The following CHST13 variants were observed in gnomAD, a reference collection of about 807,000 sequenced individuals.
CHST13 encodes C4ST-3.
CHST13 carries 1 observed loss-of-function variant against 7.0 expected under a neutral mutation model. The observed-to-expected ratio is 0.14, with a 90% CI of 0.05 to 0.68. The LOEUF is 0.68. CHST13 is among the 30% of genes least tolerant of loss of function. CHST13 has a pLI of 0.82. For synonymous variants in CHST13, 257 were observed against 240.9 expected (o/e 1.07, Z -0.62); for missense variants, 572 against 507.9 (o/e 1.13, Z -1.21).
chr3:126,540,907 G>A (rs1460164062), intron 2 of CHST13, among the ~76,000 whole-genome samples: 1 of 152,188 alleles, frequency 6.6e-6, no homozygotes, highest in Admixed American at 6.5e-5. Flanking sequence ...GGCTCTTAAT[G>A]TAATTTTAAG....
chr3:126,533,812 C>G (rs1438749517), intron 1 of CHST13, among the ~76,000 whole-genome samples: 1 of 152,146 alleles, frequency 6.6e-6, no homozygotes, highest in Non-Finnish European at 1.5e-5. Context: ...ATTCTTTAAA[C>G]ATTTAGTAAA....
intron 2 of CHST13, among the ~76,000 whole-genome samples, chr3:126,540,988 A>G (rs1332456096): frequency 1.3e-5 from 2 of 152,366 alleles, no homozygotes; most frequent in South Asian, 2.1e-4. Context: ...CTTGGAGATA[A>G]GAACCCCGGG....
chr3:126,538,400 T>C (rs1936845566), intron 2 of CHST13, among the ~76,000 whole-genome samples: 1 of 152,230 alleles, frequency 6.6e-6, no homozygotes, highest in South Asian at 2.1e-4. Flanking sequence ...TAAGGGAGTC[T>C]TTCCTGGGAG....
At chr3:126,531,683 A>G (rs994336429) in intron 1 of CHST13, among the ~76,000 whole-genome samples, 3 of 152,188 alleles carry the variant, frequency 2.0e-5, no homozygotes, top group Admixed American at 6.5e-5. Context: ...CATGTTATGG[A>G]TATACCACAT....
At chr3:126,530,378 G>A (rs776458972) in intron 1 of CHST13, among the ~76,000 whole-genome samples, 7 of 152,262 alleles carry the variant, frequency 4.6e-5, no homozygotes, top group South Asian at 2.1e-4. Flanking sequence ...AAGGGCTGGC[G>A]TTTCCGGAAG....
rs1052664231 is a variant in CHST13, at chr3:126,524,383, C to A, written c.51C>A (p.Gly17=). ...GCGTGCTGGCGGCCGCCTGTCTGGG[C>A]GCCGCGCTCCTGCTCCTATGCGCCG... ...RRRVLAAACL[G]AALLLLCAAP... Residue 17 remains glycine (G), a synonymous_variant, in exon 1 of 3, where the codon GGC becomes GGA. Transcript: ENST00000319340. The A allele has an allele frequency of 8.1e-7, 1 of 1,235,678 alleles. No homozygotes were observed. The highest frequency in any genetic ancestry group is 1.0e-6 in the Non-Finnish European group (1 of 988,810). 76.5% of individuals were successfully genotyped at this position (1,235,678 alleles called of 1,614,324 possible).
chr3:126,536,611 TAA>T (rs1286508382), intron 2 of CHST13, among the ~76,000 whole-genome samples: 1 of 151,866 alleles, frequency 6.6e-6, no homozygotes, highest in South Asian at 2.1e-4. Context: ...GTGTTGCAGA[TAA>T]AAAAGAGTCA....
At chr3:126,528,733 T>C (rs1389201630) in intron 1 of CHST13, among the ~76,000 whole-genome samples, 1 of 152,068 alleles carries the variant, frequency 6.6e-6, no homozygotes, top group Non-Finnish European at 1.5e-5. Flanking sequence ...AGATGGCCTG[T>C]GGAGTTCAGC....
chr3:126,529,665 TCTTC>T (rs1390438249), intron 1 of CHST13, among the ~76,000 whole-genome samples: 3 of 152,088 alleles, frequency 2.0e-5, no homozygotes, highest in African/African-American at 7.2e-5. Context: ...TCCTTCTGTC[TCTTC>T]CTTCTCTTTC....
chr3:126,525,733 GA>G, intron 1 of CHST13, among the ~76,000 whole-genome samples: 1 of 152,262 alleles, frequency 6.6e-6, no homozygotes, highest in African/African-American at 2.4e-5. Flanking sequence ...GAGGACACCT[GA>G]GTGCCTGGGT....
rs904545218 is a variant in CHST13 at position 126,542,633 on chromosome 3, C to T, written c.*55C>T. The T allele has an allele frequency of 1.4e-6, 2 of 1,416,012 alleles. No homozygotes were observed. Among genetic ancestry groups the T allele is most frequent in the Non-Finnish European group, 1.8e-6 (2 of 1,085,014 alleles). The allele number at this position is 1,416,012 out of a possible 1,614,324, so 87.7% of individuals were successfully genotyped here. A position where few individuals can be genotyped will look rare whatever the true frequency, so the allele number is the denominator to read the frequency against. Reference sequence around the variant, plus strand: ...GCAAGTGCCTTTCCGACAAGACCCCCGGGGAATGCAGGTGCTGCCGGCCCC... The same window carrying T: ...GCAAGTGCCTTTCCGACAAGACCCCTGGGGAATGCAGGTGCTGCCGGCCCC... On this transcript the variant is annotated 3_prime_UTR_variant, in exon 3 of 3. Transcript: ENST00000319340.
intron 1 of CHST13, among the ~76,000 whole-genome samples, chr3:126,531,954 T>G (rs1936668860): frequency 6.6e-6 from 1 of 152,244 alleles, no homozygotes; most frequent in Admixed American, 6.5e-5. Context: ...TTTCTCCACA[T>G]CCTTGTTATT....
In CHST13 at chr3:126,542,284, C is replaced by T; in HGVS notation, c.732C>T (p.Asn244=). The change falls in exon 3 of 3, where the codon AAC becomes AAT. Residue 244 remains asparagine, a synonymous_variant. Transcript: ENST00000319340. ...GCACGCGGCGTGAGGAGCCCTTCAACGAGCACTGGGAGCGCGCGCACGCGC... is the reference window on the plus strand; with the variant it reads ...GCACGCGGCGTGAGGAGCCCTTCAATGAGCACTGGGAGCGCGCGCACGCGC... ...DPRTRREEPF[N]EHWERAHALC... 1.3e-6 allele frequency: 2 copies of T among 1,565,780 alleles called. No homozygotes were observed. Among genetic ancestry groups the T allele is most frequent in the Non-Finnish European group, 1.7e-6 (2 of 1,161,226 alleles).
chr3:126,541,707 C>G (rs1936959617), intron 2 of CHST13, 26 bp from the exon 3 acceptor site: 1 of 1,429,192 alleles, frequency 7.0e-7, no homozygotes, highest in South Asian at 1.5e-5. Context: ...GACGCGTCCC[C>G]CTGTCCCGTC....
At position 126,541,800 on chromosome 3, in the gene CHST13, G is replaced by C; in HGVS notation, c.248G>C (p.Arg83Pro). Residue 83 changes from arginine to proline, a missense_variant, in exon 3 of 3, where the codon CGC (arginine) becomes CCC (proline). Coordinates refer to ENST00000319340, the MANE Select transcript of CHST13 (RefSeq NM_152889.3). ...GACCTGCTGAACAGCGCCTGTAGCCGCCACTCACGCCGGCAGCGCCTGCTA... is the reference window on the plus strand; with the variant it reads ...GACCTGCTGAACAGCGCCTGTAGCCCCCACTCACGCCGGCAGCGCCTGCTA... ...RRDLLNSACS[R>P]HSRRQRLLQP... The C allele has an allele frequency of 6.5e-7, 1 of 1,550,326 alleles. No homozygotes were observed.
intron 1 of CHST13, chr3:126,529,175 AGAG>A (rs1936597255): frequency 1.0e-5 from 6 of 596,000 alleles, no homozygotes; most frequent in Non-Finnish European, 1.7e-5. Context: ...GTGGGTGTGC[AGAG>A]GAGGATGGTC....
At chr3:126,533,938 T>C (rs1029943880) in intron 1 of CHST13, among the ~76,000 whole-genome samples, 1 of 152,210 alleles carries the variant, frequency 6.6e-6, no homozygotes, top group African/African-American at 2.4e-5. Flanking sequence ...TCTTCTTGAG[T>C]CAATTTCAAG....
intron 1 of CHST13, chr3:126,529,131 C>T (rs1936595717): frequency 5.6e-6 from 2 of 355,850 alleles, no homozygotes; most frequent in South Asian, 2.3e-5. Flanking sequence ...TGTGCCCTCA[C>T]CCTGCACAGG....
intron 1 of CHST13, among the ~76,000 whole-genome samples, chr3:126,532,151 G>T (rs116020196): frequency 6.6e-6 from 1 of 152,144 alleles, no homozygotes; most frequent in Non-Finnish European, 1.5e-5. Context: ...TTCTCCATAC[G>T]TTGTGGGTAC....
Sources: gnomAD v4.1 joint callset for allele counts (sites outside exome capture counted in the v4.1 genomes callset) on GRCh38, gnomAD v4.1.1 for gene constraint, MANE v1.5 for transcripts, NCBI Gene and HGNC (gene_info 2026-07-23, HGNC 2026-07-21) for gene names.